CTNNA3: variants seen among roughly 807,000 people sequenced by gnomAD.
The protein encoded by CTNNA3 is catenin alpha-3.
CTNNA3 carries 76 observed loss-of-function variants against 95.7 expected under a neutral mutation model. That is an observed-to-expected ratio of 0.79 (90% CI 0.66 to 0.96). The LOEUF (loss-of-function observed/expected upper bound fraction) is 0.96, where lower values mean the gene tolerates loss of function less well. Among genes scored for constraint, CTNNA3 ranks in the 40% least tolerant of loss-of-function variants. The pLI is 0.00. For missense variants in CTNNA3, 1,191 were observed against 1,089.8 expected, an observed-to-expected ratio of 1.09 and a Z score of -1.31; for synonymous variants, 431 against 374.4, an observed-to-expected ratio of 1.15 and a Z score of -1.74.
chr10:67,597,484 T>C (rs1842964185), intron 3 of CTNNA3, among the ~76,000 whole-genome samples: 1 of 152,150 alleles, frequency 6.6e-6, no homozygotes, highest in South Asian at 2.1e-4. Context: ...GTGGTATAAG[T>C]TGGATTTGGT....
chr10:66,838,923 G>C (rs963721275), intron 7 of CTNNA3, among the ~76,000 whole-genome samples: 1 of 152,076 alleles, frequency 6.6e-6, no homozygotes, highest in Non-Finnish European at 1.5e-5. Flanking sequence ...TGATCTCTAA[G>C]TCCTTGGGTA....
chr10:66,313,329 A>T (rs1471636677), intron 12 of CTNNA3, among the ~76,000 whole-genome samples: 8 of 152,092 alleles, frequency 5.3e-5, no homozygotes. Context: ...TGTTTGGGGG[A>T]GGATTAAATG....
intron 3 of CTNNA3, among the ~76,000 whole-genome samples, chr10:67,576,087 G>A (rs576685463): frequency 5.3e-5 from 8 of 152,170 alleles, no homozygotes; most frequent in Non-Finnish European, 8.8e-5. Flanking sequence ...CCCACCCTTA[G>A]ACAGAAAAGA....
chr10:67,457,435 C>T (rs1276334588), intron 5 of CTNNA3, among the ~76,000 whole-genome samples: 1 of 152,152 alleles, frequency 6.6e-6, no homozygotes, highest in Non-Finnish European at 1.5e-5. Context: ...AATCCTCTGC[C>T]TTTAATTAGA....
intron 9 of CTNNA3, among the ~76,000 whole-genome samples, chr10:66,624,764 G>A (rs1472323584): frequency 6.6e-6 from 1 of 152,070 alleles, no homozygotes; most frequent in African/African-American, 2.4e-5. Context: ...GTATAAATAA[G>A]AAAACAAAAT....
chr10:66,782,693 G>T (rs1029421172), intron 7 of CTNNA3, among the ~76,000 whole-genome samples: 1 of 152,046 alleles, frequency 6.6e-6, no homozygotes, highest in Non-Finnish European at 1.5e-5. Context: ...ATGAATAAAT[G>T]AAGAATTGTT....
At chr10:66,924,191 C>T (rs1445965055) in intron 7 of CTNNA3, among the ~76,000 whole-genome samples, 1 of 152,172 alleles carries the variant, frequency 6.6e-6, no homozygotes, top group Non-Finnish European at 1.5e-5. Context: ...TGTGCATTCA[C>T]AGCTTAGGTA....
At chr10:67,065,696 A>G (rs546104267) in intron 7 of CTNNA3, among the ~76,000 whole-genome samples, 1 of 152,148 alleles carries the variant, frequency 6.6e-6, no homozygotes, top group East Asian at 1.9e-4. Flanking sequence ...CGGGAAGAGA[A>G]CTCCAAGGTC....
At chr10:67,209,811 A>G (rs1181342423) in intron 6 of CTNNA3, among the ~76,000 whole-genome samples, 1 of 152,012 alleles carries the variant, frequency 6.6e-6, no homozygotes, top group Admixed American at 6.6e-5. Flanking sequence ...ACTAACACCT[A>G]TTTTTTAAAA....
At chr10:66,064,402 C>A (rs996990732) in intron 15 of CTNNA3, among the ~76,000 whole-genome samples, 2 of 152,146 alleles carry the variant, frequency 1.3e-5, no homozygotes, top group African/African-American at 2.4e-5. Context: ...TGTGTCAACA[C>A]CTTTTCTAAT....
At chr10:65,970,828 A>G (rs1050560630) in intron 16 of CTNNA3, among the ~76,000 whole-genome samples, 2 of 151,306 alleles carry the variant, frequency 1.3e-5, no homozygotes, top group East Asian at 3.9e-4. Context: ...AGTCTTAACT[A>G]TCCTAAATAT....
At chr10:67,420,294 T>C (rs1330736887) in intron 5 of CTNNA3, among the ~76,000 whole-genome samples, 1 of 152,248 alleles carries the variant, frequency 6.6e-6, no homozygotes, top group Admixed American at 6.5e-5. Context: ...TTTATTATAA[T>C]TAAAATGCTC....
chr10:66,690,510 G>A (rs1847483189), intron 9 of CTNNA3, among the ~76,000 whole-genome samples: 1 of 146,122 alleles, frequency 6.8e-6, no homozygotes, highest in South Asian at 2.2e-4. Context: ...AGAGTGTGAT[G>A]TTCCCCTTCC....
chr10:67,547,024 T>C (rs556813022), intron 3 of CTNNA3, among the ~76,000 whole-genome samples: 1 of 152,304 alleles, frequency 6.6e-6, no homozygotes, highest in South Asian at 2.1e-4. Context: ...ATATCAACTA[T>C]TCAGCACTAA....
chr10:67,009,998 T>C (rs1442714030), intron 7 of CTNNA3, among the ~76,000 whole-genome samples: 1 of 152,184 alleles, frequency 6.6e-6, no homozygotes, highest in African/African-American at 2.4e-5. Flanking sequence ...CTACCTGTCC[T>C]GGAGGCTTTA....
chr10:65,965,488 T>G (rs2077943259), intron 17 of CTNNA3, among the ~76,000 whole-genome samples: 1 of 146,172 alleles, frequency 6.8e-6, no homozygotes, highest in South Asian at 2.3e-4. Flanking sequence ...AACTGAAACT[T>G]CCACCTCCTG....
rs866391081 is a variant in CTNNA3, at chr10:67,011,068, G to C, written c.1047+169249C>G. Among the ~76,000 whole-genome samples, 8 of 152,124 alleles carry C rather than the reference G, an allele frequency of 5.3e-5. No individual in the cohort carries two copies. In the South Asian group the frequency reaches 1.5e-3, roughly 28 times the overall value. ...ATATAGGCCAGGCGCGGTGGCTCACGCCTGTAATCCCAGCACTTTGGGAGG... is the reference window on the plus strand; with the variant it reads ...ATATAGGCCAGGCGCGGTGGCTCACCCCTGTAATCCCAGCACTTTGGGAGG... On this transcript the variant is annotated intron_variant, in intron 7 of 17. Transcript: ENST00000433211.
At chr10:66,373,871 A>G (rs1288146835) in intron 12 of CTNNA3, among the ~76,000 whole-genome samples, 1 of 152,232 alleles carries the variant, frequency 6.6e-6, no homozygotes, top group Non-Finnish European at 1.5e-5. Flanking sequence ...CTTGCTAAAG[A>G]ACCTTTTAAA....
At chr10:66,048,073 C>T (rs2079867215) in intron 15 of CTNNA3, among the ~76,000 whole-genome samples, 1 of 152,140 alleles carries the variant, frequency 6.6e-6, no homozygotes, top group Admixed American at 6.5e-5. Flanking sequence ...AGATTCAATG[C>T]TGTTCCTATT....
Sources: allele counts gnomAD v4.1 joint callset (sites outside exome capture counted in the v4.1 genomes callset), GRCh38; gene constraint gnomAD v4.1.1; transcripts MANE v1.5; gene names NCBI Gene and HGNC (gene_info 2026-07-23, HGNC 2026-07-21).